Variants in TMEM120B observed in about 807,000 individuals in gnomAD.
The protein encoded by TMEM120B is transmembrane protein 120B.
A neutral mutation model predicts 55.5 loss-of-function variants in TMEM120B; 31 were observed. That is an observed-to-expected ratio of 0.56 (90% CI 0.42 to 0.75). The LOEUF is 0.75. Among genes scored for constraint, TMEM120B ranks in the 30% least tolerant of loss-of-function variants. TMEM120B has a pLI of 0.00. For synonymous variants in TMEM120B, 203 were observed against 176.3 expected (o/e 1.15, Z -1.20); for missense variants, 399 against 425.5 (o/e 0.94, Z 0.55).
At chr12:121,760,254 G>C (rs957793623) in intron 5 of TMEM120B, among the ~76,000 whole-genome samples, 2 of 151,664 alleles carry the variant, frequency 1.3e-5, no homozygotes, top group Non-Finnish European at 2.9e-5. Context: ...AGTGAGCCAA[G>C]ATTGCGCCAC....
chr12:121,781,233 C>T lies in TMEM120B; in HGVS notation c.*5511C>T. ...AGCGGGGGTCAGGGGACGTCCCCTC[C>T]CTGTCTGGACTCTGACGGGTGAAGG... On this transcript the variant is annotated 3_prime_UTR_variant, in exon 12 of 12. Transcript: ENST00000449592. The T allele has an allele frequency of 1.3e-6, 2 of 1,569,066 alleles. No individual in the cohort carries two copies. Among genetic ancestry groups the T allele is most frequent in the Middle Eastern group, 1.7e-4 (1 of 5,946 alleles).
intron 1 of TMEM120B, among the ~76,000 whole-genome samples, chr12:121,735,466 T>G (rs971009409): frequency 6.6e-6 from 1 of 151,790 alleles, no homozygotes; most frequent in Admixed American, 6.6e-5. Flanking sequence ...TGGCACGATC[T>G]CGGCTCACTG....
chr12:121,745,618 C>G (rs1197679453), intron 2 of TMEM120B, among the ~76,000 whole-genome samples: 1 of 151,874 alleles, frequency 6.6e-6, no homozygotes, highest in African/African-American at 2.4e-5. Flanking sequence ...TCTCAAATTC[C>G]TGACCTTAAG....
chr12:121,740,466 C>T (rs1447933827), intron 1 of TMEM120B, among the ~76,000 whole-genome samples: 1 of 150,624 alleles, frequency 6.6e-6, no homozygotes, highest in Non-Finnish European at 1.5e-5. Flanking sequence ...GCCTGGGCAA[C>T]AAGAGTGAGA....
intron 6 of TMEM120B, among the ~76,000 whole-genome samples, chr12:121,766,769 A>G (rs1160861117): frequency 6.6e-6 from 1 of 152,186 alleles, no homozygotes; most frequent in Non-Finnish European, 1.5e-5. Flanking sequence ...ATGGGCTGTG[A>G]TCAGCAACTG....
intron 6 of TMEM120B, among the ~76,000 whole-genome samples, chr12:121,769,124 C>T (rs2669159): frequency 0.2 from 25,523 of 130,748 alleles, 2,536 homozygotes; most frequent in South Asian, 0.31. Flanking sequence ...CCAGCCTGGG[C>T]AATAGAGCAA....
At chr12:121,727,854 A>G (rs1009556923) in intron 1 of TMEM120B, among the ~76,000 whole-genome samples, 2 of 143,820 alleles carry the variant, frequency 1.4e-5, no homozygotes, top group Admixed American at 1.4e-4. Context: ...AGCCTGGGCG[A>G]CAGAGCGACA....
In TMEM120B at chr12:121,779,944, C is replaced by T. The variant is rs1437884978; in HGVS notation, c.*4222C>T. ...TGAATCCTGAGACCCGGGGTTGGTT[C>T]CCCCAGGTGTCTCCCAGGCCTGTGA... On this transcript the variant is annotated 3_prime_UTR_variant, in exon 12 of 12. Transcript: ENST00000449592. The T allele has an allele frequency of 1.0e-5, 3 of 291,940 alleles. No individual in the cohort carries two copies. Among genetic ancestry groups the T allele is most frequent in the African/African-American group, 1.0e-4 (2 of 19,550 alleles). 18.1% of individuals were successfully genotyped at this position (291,940 alleles called of 1,614,324 possible).
At chr12:121,768,498 G>A (rs925405527) in intron 6 of TMEM120B, among the ~76,000 whole-genome samples, 9 of 152,130 alleles carry the variant, frequency 5.9e-5, no homozygotes, top group Non-Finnish European at 1.2e-4. Flanking sequence ...GTGCGTATGC[G>A]AGACCCTGCC....
At chr12:121,725,669 T>C (rs1446159570) in intron 1 of TMEM120B, among the ~76,000 whole-genome samples, 2 of 152,138 alleles carry the variant, frequency 1.3e-5, no homozygotes, top group Admixed American at 6.6e-5. Context: ...AAAAACATGA[T>C]GCTAAGTCAA....
intron 1 of TMEM120B, among the ~76,000 whole-genome samples, chr12:121,728,747 G>A (rs187952151): frequency 1.1e-3 from 172 of 152,298 alleles, no homozygotes; most frequent in Non-Finnish European, 1.9e-3. Context: ...GCAGTTCCAG[G>A]AGCTCAGGTG....
intron 2 of TMEM120B, among the ~76,000 whole-genome samples, chr12:121,746,695 C>T (rs932702092): frequency 8.6e-5 from 13 of 152,000 alleles, no homozygotes; most frequent in African/African-American, 2.7e-4. Context: ...TGGCTCACGC[C>T]GGTAATCCCA....
intron 6 of TMEM120B, among the ~76,000 whole-genome samples, chr12:121,764,730 C>G (rs1873793078): frequency 6.6e-6 from 1 of 151,992 alleles, no homozygotes; most frequent in African/African-American, 2.4e-5. Flanking sequence ...CTCTGGGCAG[C>G]TTTTTATTCT....
chr12:121,769,462 T>C (rs1466459765), intron 6 of TMEM120B, among the ~76,000 whole-genome samples: 1 of 152,056 alleles, frequency 6.6e-6, no homozygotes, highest in Non-Finnish European at 1.5e-5. Context: ...TCCTAGCACT[T>C]TGGAAGGCCA....
intron 6 of TMEM120B, among the ~76,000 whole-genome samples, chr12:121,765,321 G>T (rs1873813753): frequency 6.6e-6 from 1 of 151,950 alleles, no homozygotes; most frequent in Non-Finnish European, 1.5e-5. Context: ...GTAGAGATGG[G>T]GTTTCACCGT....
rs1874451799 is a variant in TMEM120B at position 121,781,375 on chromosome 12, G to A, written c.*5653G>A. 1.0e-5 allele frequency: 6 copies of A among 587,970 alleles called. 1 individual carries two copies. The East Asian group carries it at 1.5e-4, about 14-fold the overall frequency. The allele number at this position is 587,970 out of a possible 1,614,324, so 36.4% of individuals were successfully genotyped here. On this transcript the variant is annotated 3_prime_UTR_variant, in exon 12 of 12. Transcript: ENST00000449592. ...GGTCGCAGCTACTCGGGAGGCTGAGGCCGGAGGATCGCTTGAGCCCAGGAG... is the reference window on the plus strand; with the variant it reads ...GGTCGCAGCTACTCGGGAGGCTGAGACCGGAGGATCGCTTGAGCCCAGGAG...
At chr12:121,742,518 G>C (rs1240893496) in intron 1 of TMEM120B, among the ~76,000 whole-genome samples, 5 of 152,134 alleles carry the variant, frequency 3.3e-5, no homozygotes, top group Non-Finnish European at 2.9e-5. Context: ...GACCCATGTT[G>C]ACCTTGTCTG....
At chr12:121,713,801 C>A (rs182380253) in intron 1 of TMEM120B, among the ~76,000 whole-genome samples, 29 of 152,142 alleles carry the variant, frequency 1.9e-4, no homozygotes, top group Non-Finnish European at 3.1e-4. Context: ...AAGAGGGACT[C>A]GGTGACTATT....
chr12:121,779,416 G>A lies in TMEM120B; in HGVS notation c.*3694G>A. Reference sequence around the variant, plus strand: ...CCAGACACCATGAGCTGGAGGGTCGGGATGGGGCAGCCTCCCTGGTGCAAT... The same window carrying A: ...CCAGACACCATGAGCTGGAGGGTCGAGATGGGGCAGCCTCCCTGGTGCAAT... On this transcript the variant is annotated 3_prime_UTR_variant, in exon 12 of 12. Coordinates refer to ENST00000449592, the MANE Select transcript of TMEM120B (RefSeq NM_001080825.2). 1 of 1,483,092 alleles carries A rather than the reference G, an allele frequency of 6.7e-7. No individual in the cohort carries two copies. The highest frequency in any genetic ancestry group is 1.2e-5 in the South Asian group (1 of 84,740). The allele number at this position is 1,483,092 out of a possible 1,614,324, so 91.9% of individuals were successfully genotyped here.
Sources: allele counts gnomAD v4.1 joint callset (sites outside exome capture counted in the v4.1 genomes callset), GRCh38; gene constraint gnomAD v4.1.1; transcripts MANE v1.5; gene names NCBI Gene and HGNC (gene_info 2026-07-23, HGNC 2026-07-21).